The following MYBPC2 variants were observed in gnomAD, a reference collection of about 807,000 sequenced individuals.
The protein encoded by MYBPC2 is myosin-binding protein C, fast-type.
Under a neutral mutation model 137.0 loss-of-function variants are expected in MYBPC2, and 122 were observed. The observed-to-expected ratio is 0.89, with a 90% CI of 0.77 to 1.03. The LOEUF is 1.03. Ranked by LOEUF, MYBPC2 falls within the 50% of genes least tolerant of loss-of-function variation. The pLI is 0.00. For synonymous variants in MYBPC2, 626 were observed against 612.3 expected (o/e 1.02, Z -0.33); for missense variants, 1,500 against 1,534.4 (o/e 0.98, Z 0.37).
chr19:50,450,216 G>T (rs898745297), intron 13 of MYBPC2, among the ~76,000 whole-genome samples: 1 of 152,048 alleles, frequency 6.6e-6, no homozygotes, highest in African/African-American at 2.4e-5. Context: ...CACTTACAGG[G>T]CCCTTACTAT....
chr19:50,437,700 GTGGCC>G lies in MYBPC2; in HGVS notation c.557_561del (p.Gly186ValfsTer18). On this transcript the variant is annotated frameshift_variant, in exon 7 of 28. Coordinates refer to ENST00000357701, the MANE Select transcript of MYBPC2 (RefSeq NM_004533.4). LOFTEE classifies it high-confidence loss of function. ...GATACTGCAGGTGAGCTGGATTTCA[GTGGCC>G]TGTTGAAGAAGAGGTGAGCCCCGGA... The G allele has an allele frequency of 6.2e-7, 1 of 1,604,352 alleles. No homozygotes were observed. The highest frequency in any genetic ancestry group is 8.5e-7 in the Non-Finnish European group (1 of 1,175,362).
chr19:50,437,981 C>A (rs550785313), intron 7 of MYBPC2, among the ~76,000 whole-genome samples: 2 of 152,176 alleles, frequency 1.3e-5, no homozygotes, highest in East Asian at 3.9e-4. Context: ...ACCTTCTCAC[C>A]CCTTAACCCA....
intron 13 of MYBPC2, among the ~76,000 whole-genome samples, chr19:50,449,901 A>G (rs925662990): frequency 1.3e-5 from 2 of 152,088 alleles, no homozygotes; most frequent in Non-Finnish European, 2.9e-5. Flanking sequence ...CACACCTATA[A>G]TCCTAGCACT....
At chr19:50,437,322 AG>A in intron 5 of MYBPC2, 150 bp from the exon 6 acceptor site, 1 of 801,884 alleles carries the variant, frequency 1.2e-6, no homozygotes, top group Non-Finnish European at 2.0e-6. Flanking sequence ...CTAGAACTAG[AG>A]GATGCCCAGG....
chr19:50,444,304 AT>A (rs2039784124), intron 11 of MYBPC2, among the ~76,000 whole-genome samples: 1 of 125,702 alleles, frequency 8.0e-6, no homozygotes, highest in African/African-American at 3.4e-5. Flanking sequence ...CCATCCATCC[AT>A]CCATCCATCC....
rs1174261787 is a variant in MYBPC2, at chr19:50,443,507, A to G, written c.916A>G (p.Asn306Asp). 6.2e-7 allele frequency: 1 copy of G among 1,613,244 alleles called. No individual in the cohort carries two copies. The highest frequency in any genetic ancestry group is 1.7e-5 in the Admixed American group (1 of 59,942). ...IKPSSKYVFENVGKKRILTIN... is the reference protein window; with the variant it reads ...IKPSSKYVFEDVGKKRILTIN... ...CTTTTGAATCAGGTACGTGTTTGAG[A>G]ACGTTGGTAAGAAGCGAATTCTTAC... The change falls in exon 10 of 28, where the codon AAC becomes GAC. Residue 306 changes from asparagine (N) to aspartate (D), a missense_variant. Coordinates refer to ENST00000357701, the MANE Select transcript of MYBPC2 (RefSeq NM_004533.4).
intron 1 of MYBPC2, among the ~76,000 whole-genome samples, 173 bp downstream of exon 1, chr19:50,433,145 C>G (rs528828439): frequency 8.5e-5 from 13 of 152,208 alleles, no homozygotes; most frequent in African/African-American, 3.1e-4. Context: ...GTGAGGGTCT[C>G]GACTCTGCAT....
chr19:50,464,360 G>T lies in MYBPC2; in HGVS notation c.3243G>T (p.Trp1081Cys). 1 of 1,607,462 alleles carries T rather than the reference G, an allele frequency of 6.2e-7. No individual in the cohort carries two copies. Among genetic ancestry groups the T allele is most frequent in the Non-Finnish European group, 8.5e-7 (1 of 1,177,116 alleles). ...ACTCTCAACAGCCGAAGGTGGTCTG[G>T]ATGAAGAACAAGATGGAAATCCGTG... ...VRGHPKPKVVWMKNKMEIRED... is the reference protein window; with the variant it reads ...VRGHPKPKVVCMKNKMEIRED... Residue 1081 changes from tryptophan (W) to cysteine (C), a missense_variant, in exon 27 of 28, where the codon TGG (tryptophan) becomes TGT (cysteine). Physicochemically the swap from Trp to Cys is radical, Grantham distance 215. Coordinates refer to ENST00000357701, the MANE Select transcript of MYBPC2 (RefSeq NM_004533.4).
intron 12 of MYBPC2, 121 bp downstream of exon 12, chr19:50,446,173 T>G: frequency 8.3e-7 from 1 of 1,208,796 alleles, no homozygotes; most frequent in Non-Finnish European, 1.1e-6. Context: ...ACACACCCTA[T>G]GTTCAGCCCA....
chr19:50,455,707 G>A, intron 20 of MYBPC2, 63 bp downstream of exon 20: 1 of 1,589,502 alleles, frequency 6.3e-7, no homozygotes, highest in Non-Finnish European at 8.6e-7. Context: ...CCAGTCCAGG[G>A]AGCTGAAAAT....
intron 1 of MYBPC2, among the ~76,000 whole-genome samples, chr19:50,434,397 C>T (rs1279152263): frequency 6.6e-6 from 1 of 152,118 alleles, no homozygotes; most frequent in African/African-American, 2.4e-5. Context: ...TTCCAAGGGA[C>T]CTTCTCTGTA....
chr19:50,443,818 T>C lies in MYBPC2; in HGVS notation c.1133+2T>C, dbSNP rs1568660870. 6.2e-7 allele frequency: 1 copy of C among 1,612,322 alleles called. No homozygotes were observed. Among genetic ancestry groups the C allele is most frequent in the East Asian group, 2.2e-5 (1 of 44,866 alleles). Reference sequence around the variant, plus strand: ...AGAAGAGGGTGCCCAGGTGATGTGGTAAGTGACCCTTGATCCCTGATCTCC... The same window carrying C: ...AGAAGAGGGTGCCCAGGTGATGTGGCAAGTGACCCTTGATCCCTGATCTCC... On this transcript the variant is annotated splice_donor_variant, in intron 11 of 27. Transcript: ENST00000357701. LOFTEE classifies it high-confidence loss of function.
intron 8 of MYBPC2, 48 bp from the exon 9 acceptor site, chr19:50,442,133 G>A: frequency 6.4e-7 from 1 of 1,553,092 alleles, no homozygotes; most frequent in Non-Finnish European, 8.7e-7. Flanking sequence ...ATGACCAGGG[G>A]AATGAGGACC....
rs1447632983 is a variant in MYBPC2 at position 50,454,369 on chromosome 19, G to A, written c.2014G>A (p.Gly672Arg). ...PMYDGGKPVTGYLVERKKKGS... is the reference protein window; with the variant it reads ...PMYDGGKPVTRYLVERKKKGS... ...GTACGATGGGGGGAAGCCAGTCACC[G>A]GTGAGTGCCTCTGTCCTCATGACCT... Residue 672 changes from glycine to arginine, a missense_variant and splice_region_variant, in exon 18 of 28, where the codon GGG becomes AGG. Physicochemically the swap from Gly to Arg is moderately radical, Grantham distance 125. Transcript: ENST00000357701. The A allele has an allele frequency of 1.9e-6, 3 of 1,605,400 alleles. No individual in the cohort carries two copies. The highest frequency in any genetic ancestry group is 1.3e-5 in the African/African-American group (1 of 74,534).
rs1192304993 is a variant in MYBPC2 at position 50,465,854 on chromosome 19, A to G, written c.3416-341A>G. ...GAGTGAGACTCTGTCTCAAAAACCA[A>G]ACAAAAACACCCCAGATCACTGCCC... On this transcript the variant is annotated intron_variant, in intron 27 of 27. Transcript: ENST00000357701. The surrounding 1 kb of genome is among the most constrained non-coding windows in gnomAD (Gnocchi z 4.5). Among the ~76,000 whole-genome samples the G allele has an allele frequency of 3.3e-5, 5 of 152,052 alleles. No individual in the cohort carries two copies. The highest frequency in any genetic ancestry group is 1.2e-4 in the African/African-American group (5 of 41,392).
chr19:50,447,968 T>G (rs2039820840), intron 12 of MYBPC2, among the ~76,000 whole-genome samples: 1 of 152,340 alleles, frequency 6.6e-6, no homozygotes, highest in South Asian at 2.1e-4. Flanking sequence ...CGCTGGTCCC[T>G]CTACCTGGGA....
At chr19:50,444,816 C>T (rs1354165231) in intron 11 of MYBPC2, among the ~76,000 whole-genome samples, 1 of 140,230 alleles carries the variant, frequency 7.1e-6, no homozygotes, top group East Asian at 2.1e-4. Context: ...GGAGGCGGAG[C>T]TTGCAGTGAG....
chr19:50,453,123 T>A (rs1003339794), intron 16 of MYBPC2, among the ~76,000 whole-genome samples: 2 of 152,156 alleles, frequency 1.3e-5, no homozygotes, highest in Admixed American at 1.3e-4. Flanking sequence ...AATTTATTTA[T>A]TTATTTTTAA....
intron 20 of MYBPC2, 34 bp from the exon 21 acceptor site, chr19:50,458,553 G>A (rs1338312755): frequency 3.7e-6 from 6 of 1,604,012 alleles, no homozygotes; most frequent in Non-Finnish European, 5.1e-6. Context: ...TGGGAGGAGG[G>A]CACGAGATCC....
Sources: gnomAD v4.1 joint callset for allele counts (sites outside exome capture counted in the v4.1 genomes callset) on GRCh38, gnomAD v4.1.1 for gene constraint, Gnocchi (gnomAD v3.1) non-coding constraint, MANE v1.5 for transcripts, NCBI Gene and HGNC (gene_info 2026-07-23, HGNC 2026-07-21) for gene names.